SMARCD3: variants seen among roughly 807,000 people sequenced by gnomAD.
SMARCD3 encodes the protein SWI/SNF related BAF chromatin remodeling complex subunit D3, also known as SWI/SNF-related matrix-associated actin-dependent regulator of chromatin subfamily D member 3.
SMARCD3 carries 14 observed loss-of-function variants against 58.0 expected under a neutral mutation model. The observed-to-expected ratio is 0.24, with a 90% CI of 0.16 to 0.38. SMARCD3 has a LOEUF of 0.38. Ranked by LOEUF, SMARCD3 falls within the 10% of genes least tolerant of loss-of-function variation. The probability of loss-of-function intolerance (pLI) is 1.00; values close to 1 mark genes in which losing one functional copy is unlikely to be tolerated. For missense variants in SMARCD3, 408 were observed against 636.9 expected (o/e 0.64, Z 3.87); for synonymous variants, 253 against 253.8 (o/e 1.00, Z 0.03).
At chr7:151,250,289 C>T (rs996627382), upstream of SMARCD3, among the ~76,000 whole-genome samples, 3 of 152,064 alleles carry the variant, frequency 2.0e-5, no homozygotes, top group Admixed American at 6.5e-5. Context: ...CTAGAGATCC[C>T]CTTGCTACCA....
Position 151,248,398 on chromosome 7 carries a change from G to C in SMARCD3, c.78+87C>G, listed in dbSNP as rs1441866562. 1.7e-6 allele frequency: 2 copies of C among 1,161,922 alleles called. No individual in the cohort carries two copies. The highest frequency in any genetic ancestry group is 2.5e-6 in the Non-Finnish European group (2 of 784,324). 72.0% of individuals were successfully genotyped at this position (1,161,922 alleles called of 1,614,324 possible). ...CCCCACTAGAGGGGTGGGAGAGCGGGAGCGCCCTCCCGGCCCCTCCCGATC... is the reference window on the plus strand; with the variant it reads ...CCCCACTAGAGGGGTGGGAGAGCGGCAGCGCCCTCCCGGCCCCTCCCGATC... On this transcript the variant is annotated intron_variant, in intron 1 of 12. Coordinates refer to ENST00000262188, the MANE Select transcript of SMARCD3 (RefSeq NM_001003801.2). This position sits in a 1 kb window ranked among gnomAD's most constrained non-coding sequence, Gnocchi z 6.1.
intron 2 of SMARCD3, chr7:151,254,373 G>A (rs918821904): frequency 6.6e-6 from 1 of 152,342 alleles, no homozygotes; most frequent in African/African-American, 2.4e-5. Flanking sequence ...GTGGCTTCTG[G>A]TCGACTTGGG....
chr7:151,247,906 C>A lies in SMARCD3; in HGVS notation c.78+579G>T, dbSNP rs552307162. On this transcript the variant is annotated intron_variant, in intron 1 of 12. Transcript: ENST00000262188. ...GAGTCCGCCAAGGAGACCCTCAGAG[C>A]CCCTAACTTGGGCTAAGTCCCTAGA... 2.1e-4 allele frequency among the ~76,000 whole-genome samples: 32 copies of A among 152,336 alleles called. No individual in the cohort carries two copies. In the South Asian group the frequency reaches 6.4e-3, roughly 31 times the overall value.
chr7:151,240,374 G>A, intron 9 of SMARCD3, 51 bp downstream of exon 9: 1 of 1,579,928 alleles, frequency 6.3e-7, no homozygotes, highest in Non-Finnish European at 8.7e-7. Context: ...GGCAGGGAAG[G>A]CAGGAACGAG....
upstream of SMARCD3, among the ~76,000 whole-genome samples, chr7:151,252,076 AG>A (rs1803537963): frequency 6.6e-6 from 1 of 151,912 alleles, no homozygotes; most frequent in South Asian, 2.1e-4. Context: ...GATGCGGGGA[AG>A]AGACTTAACT....
intron 1 of SMARCD3, among the ~76,000 whole-genome samples, chr7:151,276,496 G>A (rs563385834): frequency 6.9e-6 from 1 of 145,322 alleles, no homozygotes; most frequent in South Asian, 2.3e-4. Context: ...GCAGGTGGAG[G>A]GAGGATAGGA....
Position 151,241,802 on chromosome 7 carries a change from A to T in SMARCD3, c.777+75T>A. Reference sequence around the variant, plus strand: ...TGGGAGGGGAAGGAGGTCTCTCAAGATGCACCACTTTGGGACCTAGCCCTG... The same window carrying T: ...TGGGAGGGGAAGGAGGTCTCTCAAGTTGCACCACTTTGGGACCTAGCCCTG... On this transcript the variant is annotated intron_variant, in intron 7 of 12. Coordinates refer to ENST00000262188, the MANE Select transcript of SMARCD3 (RefSeq NM_001003801.2). The surrounding 1 kb of genome is among the most constrained non-coding windows in gnomAD (Gnocchi z 5.3). 7.0e-7 allele frequency: 1 copy of T among 1,434,748 alleles called. No individual in the cohort carries two copies. The highest frequency in any genetic ancestry group is 9.7e-7 in the Non-Finnish European group (1 of 1,034,312). The allele number at this position is 1,434,748 out of a possible 1,614,324, so 88.9% of individuals were successfully genotyped here.
intron 2 of SMARCD3, among the ~76,000 whole-genome samples, chr7:151,258,717 C>T (rs1004622787): frequency 3.9e-5 from 6 of 152,102 alleles, no homozygotes; most frequent in Non-Finnish European, 8.8e-5. Context: ...CTCCCTGTCC[C>T]CTCTGCTCTC....
chr7:151,268,273 A>G (rs1344310396), intron 2 of SMARCD3, among the ~76,000 whole-genome samples: 1 of 152,162 alleles, frequency 6.6e-6, no homozygotes, highest in Non-Finnish European at 1.5e-5. Context: ...AAAATGAGAA[A>G]TTTGGCAAGA....
chr7:151,260,013 T>A (rs1803865369), intron 2 of SMARCD3, among the ~76,000 whole-genome samples: 2 of 152,176 alleles, frequency 1.3e-5, no homozygotes, highest in South Asian at 4.1e-4. Flanking sequence ...TCCCAACAGA[T>A]AAGCCTATCA....
At chr7:151,247,219 G>T (rs901651922) in intron 1 of SMARCD3, among the ~76,000 whole-genome samples, 3 of 152,092 alleles carry the variant, frequency 2.0e-5, no homozygotes, top group African/African-American at 7.2e-5. Context: ...AACTGAAGCT[G>T]TAAGTTGACC....
upstream of SMARCD3, among the ~76,000 whole-genome samples, chr7:151,250,692 T>C (rs981648416): frequency 7.9e-5 from 12 of 152,042 alleles, no homozygotes; most frequent in Admixed American, 5.9e-4. Context: ...TGAATTGGCA[T>C]TGGACTGGCC....
At chr7:151,267,533 C>T (rs1008801658) in intron 2 of SMARCD3, among the ~76,000 whole-genome samples, 1 of 152,226 alleles carries the variant, frequency 6.6e-6, no homozygotes, top group African/African-American at 2.4e-5. Flanking sequence ...TCTACAACAG[C>T]CCCTGCCCTT....
In SMARCD3 at chr7:151,265,179, G is replaced by A. The variant is rs62492416; in HGVS notation, c.39+9935C>T. ...ATCAGAATGTGACCTTATTTGGAGA[G>A]AGGGTCCTCAAACAGGTAATCAATT... On this transcript the variant is annotated intron_variant, in intron 2 of 13. Transcript: ENST00000356800. 9.2e-3 allele frequency among the ~76,000 whole-genome samples: 1,399 copies of A among 152,308 alleles called. 17 individuals carry two copies. The highest frequency in any genetic ancestry group is 0.02 in the Middle Eastern group (6 of 294).
In SMARCD3 at chr7:151,263,605, ATCT is replaced by A. The variant is rs56674962; in HGVS notation, c.39+11506_39+11508del. Among the ~76,000 whole-genome samples the A allele has an allele frequency of 9.1e-3, 1,386 of 152,216 alleles. 23 individuals are homozygous for A. The highest frequency in any genetic ancestry group is 0.032 in the African/African-American group (1,327 of 41,520). ...CTGTTCCATGGTTGTTATTATGAAC[ATCT>A]TCTTCTCCCTTGGCCCTCCTATTTA... On this transcript the variant is annotated intron_variant, in intron 2 of 13. Transcript: ENST00000356800.
At position 151,239,065 on chromosome 7, in the gene SMARCD3, C is replaced by G. The variant is rs78755073; in HGVS notation, c.*38G>C. On this transcript the variant is annotated 3_prime_UTR_variant, in exon 13 of 13. Coordinates refer to ENST00000262188, the MANE Select transcript of SMARCD3 (RefSeq NM_001003801.2). The surrounding 1 kb of genome is among the most constrained non-coding windows in gnomAD (Gnocchi z 7.0). ...GGGCAAAATGCTGGGGCCCGGGACACGGCTGAAAGTTCCGTCGTGCTGCTT... is the reference window on the plus strand; with the variant it reads ...GGGCAAAATGCTGGGGCCCGGGACAGGGCTGAAAGTTCCGTCGTGCTGCTT... The G allele has an allele frequency of 6.2e-7, 1 of 1,607,100 alleles. No individual in the cohort carries two copies. The highest frequency in any genetic ancestry group is 8.5e-7 in the Non-Finnish European group (1 of 1,173,650).
chr7:151,242,477 G>A lies in SMARCD3; in HGVS notation c.579+4C>T, dbSNP rs768876621. 8.1e-6 allele frequency: 13 copies of A among 1,612,800 alleles called. No homozygotes were observed. Among genetic ancestry groups the A allele is most frequent in the South Asian group, 3.3e-5 (3 of 91,072 alleles). On this transcript the variant is annotated splice_donor_region_variant and intron_variant, in intron 5 of 12. Coordinates refer to ENST00000262188, the MANE Select transcript of SMARCD3 (RefSeq NM_001003801.2). This position sits in a 1 kb window ranked among gnomAD's most constrained non-coding sequence, Gnocchi z 4.7. ...CACCTGGAGAGACCTGGGCCGGGAC[G>A]TACATCATCCAGGAGCTTCCCCTCC...
chr7:151,245,831 AG>A lies in SMARCD3; in HGVS notation c.79-161del. Reference sequence around the variant, plus strand: ...GGTGGGAGCGATGGGTAGGAGGGGCAGGGGCGCCGGAATCTGCGCGGCTCTG... The same window carrying A: ...GGTGGGAGCGATGGGTAGGAGGGGCAGGGCGCCGGAATCTGCGCGGCTCTG... On this transcript the variant is annotated intron_variant, in intron 1 of 12. Transcript: ENST00000262188. This position sits in a 1 kb window ranked among gnomAD's most constrained non-coding sequence, Gnocchi z 6.2. The A allele has an allele frequency of 2.6e-6, 1 of 382,202 alleles. No homozygotes were observed. The highest frequency in any genetic ancestry group is 4.6e-6 in the Non-Finnish European group (1 of 215,664). The allele number at this position is 382,202 out of a possible 1,614,324, so 23.7% of individuals were successfully genotyped here.
Position 151,245,894 on chromosome 7 carries a change from T to A in SMARCD3, c.79-223A>T, listed in dbSNP as rs1406663295. On this transcript the variant is annotated intron_variant, in intron 1 of 12. Transcript: ENST00000262188. This position sits in a 1 kb window ranked among gnomAD's most constrained non-coding sequence, Gnocchi z 6.2. The stretch of plus-strand genomic sequence containing the variant: ...TGGCGTCTGGCTGCAGGAAGCTAAC[T>A]GAAGCCAGGCACCGCACAGGGCATT... The A allele has an allele frequency of 5.4e-6, 2 of 373,610 alleles. No individual in the cohort carries two copies. The highest frequency in any genetic ancestry group is 9.5e-6 in the Non-Finnish European group (2 of 210,404). The allele number at this position is 373,610 out of a possible 1,614,324, so 23.1% of individuals were successfully genotyped here.
Sources: allele counts gnomAD v4.1 joint callset (sites outside exome capture counted in the v4.1 genomes callset), GRCh38; gene constraint gnomAD v4.1.1; non-coding constraint Gnocchi (gnomAD v3.1); transcripts MANE v1.5; gene names NCBI Gene and HGNC (gene_info 2026-07-23, HGNC 2026-07-21).